The following THADA variants were observed in gnomAD, a reference collection of about 807,000 sequenced individuals.
THADA encodes the protein tRNA (32-2'-O)-methyltransferase regulator THADA.
Under a neutral mutation model 219.8 loss-of-function variants are expected in THADA, and 213 were observed. The observed-to-expected ratio is 0.97, with a 90% confidence interval of 0.87 to 1.09. The LOEUF (loss-of-function observed/expected upper bound fraction) is 1.09, where lower values mean the gene tolerates loss of function less well. Ranked by LOEUF, THADA falls within the 50% of genes least tolerant of loss-of-function variation. The pLI, the probability that THADA is intolerant of heterozygous loss-of-function variation, is 0.00. For synonymous variants in THADA, 1,018 were observed against 828.9 expected, an observed-to-expected ratio of 1.23 and a Z score of -3.92; for missense variants, 2,956 against 2,311.3, an observed-to-expected ratio of 1.28 and a Z score of -5.72.
At chr2:43,435,310 T>C (rs1679931225) in intron 26 of THADA, among the ~76,000 whole-genome samples, 1 of 151,812 alleles carries the variant, frequency 6.6e-6, no homozygotes, top group African/African-American at 2.4e-5. Context: ...GAATACAAAA[T>C]TAGCCAGGCA....
chr2:43,354,538 C>T (rs562797604), intron 29 of THADA, among the ~76,000 whole-genome samples: 29 of 151,866 alleles, frequency 1.9e-4, no homozygotes, highest in African/African-American at 7.0e-4. Flanking sequence ...TGATAACTAT[C>T]ATTTTACTCT....
chr2:43,315,017 A>T (rs1677920906), intron 31 of THADA, among the ~76,000 whole-genome samples: 1 of 152,172 alleles, frequency 6.6e-6, no homozygotes, highest in Non-Finnish European at 1.5e-5. Flanking sequence ...CTCCTTGTTT[A>T]TGCCCCTAGC....
chr2:43,342,597 C>G (rs1387901342), intron 30 of THADA, among the ~76,000 whole-genome samples: 1 of 152,232 alleles, frequency 6.6e-6, no homozygotes, highest in Non-Finnish European at 1.5e-5. Context: ...GGCCACTTGG[C>G]AAAATTCTGG....
intron 31 of THADA, among the ~76,000 whole-genome samples, chr2:43,308,160 AC>A (rs1251473941): frequency 6.6e-6 from 1 of 152,146 alleles, no homozygotes; most frequent in African/African-American, 2.4e-5. Flanking sequence ...GTTCAAGGCC[AC>A]CTGGGCAACA....
chr2:43,530,154 A>T (rs77881454), intron 21 of THADA, among the ~76,000 whole-genome samples: 15,975 of 152,026 alleles, frequency 0.11, 884 homozygotes, highest in South Asian at 0.14. Context: ...TAATTTTTTT[A>T]AAAAAAATTC....
At chr2:43,314,773 C>T (rs1677889307) in intron 31 of THADA, among the ~76,000 whole-genome samples, 1 of 152,138 alleles carries the variant, frequency 6.6e-6, no homozygotes, top group South Asian at 2.1e-4. Flanking sequence ...CTGATATATA[C>T]TAACGATGAC....
intron 28 of THADA, among the ~76,000 whole-genome samples, chr2:43,404,771 C>T (rs781067549): frequency 1.3e-5 from 2 of 152,046 alleles, no homozygotes; most frequent in Non-Finnish European, 2.9e-5. Flanking sequence ...CCTAAGTTTA[C>T]ATCTGAGTTC....
chr2:43,367,914 C>T (rs1296541773), intron 29 of THADA, among the ~76,000 whole-genome samples: 3 of 152,068 alleles, frequency 2.0e-5, no homozygotes, highest in Non-Finnish European at 2.9e-5. Flanking sequence ...GTCAAGAGAT[C>T]GAGACCATCC....
At chr2:43,264,528 G>A (rs941255939) in intron 36 of THADA, among the ~76,000 whole-genome samples, 4 of 151,900 alleles carry the variant, frequency 2.6e-5, no homozygotes, top group African/African-American at 7.3e-5. Flanking sequence ...CAGGTGATCC[G>A]CCCACCTCTG....
chr2:43,434,861 C>T (rs868396013), intron 26 of THADA, among the ~76,000 whole-genome samples: 1 of 152,208 alleles, frequency 6.6e-6, no homozygotes, highest in South Asian at 2.1e-4. Flanking sequence ...AGCTGACTAA[C>T]ACAAGCTGCC....
intron 30 of THADA, among the ~76,000 whole-genome samples, chr2:43,332,389 T>C (rs1019466411): frequency 1.3e-5 from 2 of 152,202 alleles, no homozygotes; most frequent in African/African-American, 4.8e-5. Flanking sequence ...TTTGACTAAT[T>C]CTAGCATTGA....
At chr2:43,334,466 C>A (rs890736754) in intron 30 of THADA, among the ~76,000 whole-genome samples, 1 of 152,218 alleles carries the variant, frequency 6.6e-6, no homozygotes, top group Non-Finnish European at 1.5e-5. Flanking sequence ...CTCATCAGCA[C>A]TGTTTTATGC....
intron 30 of THADA, among the ~76,000 whole-genome samples, chr2:43,322,180 G>C (rs768389288): frequency 4.0e-5 from 6 of 151,838 alleles, no homozygotes; most frequent in Non-Finnish European, 7.4e-5. Flanking sequence ...ATTACAGGGG[G>C]TAAGACTGAA....
intron 21 of THADA, among the ~76,000 whole-genome samples, chr2:43,530,992 T>C (rs1423353387): frequency 6.6e-6 from 1 of 152,238 alleles, no homozygotes; most frequent in South Asian, 2.1e-4. Flanking sequence ...TTATCTTTTT[T>C]CCTTTTGAAG....
chr2:43,262,434 G>A (rs2104213741), intron 36 of THADA, among the ~76,000 whole-genome samples: 1 of 141,834 alleles, frequency 7.1e-6, no homozygotes, highest in Middle Eastern at 3.4e-3. Context: ...AAAGACAGAA[G>A]AAGCATGGGG....
intron 22 of THADA, among the ~76,000 whole-genome samples, chr2:43,514,689 TA>T (rs1558888122): frequency 1.2e-4 from 10 of 80,106 alleles, no homozygotes; most frequent in East Asian, 3.0e-4. Context: ...TTATATTATA[TA>T]TAATATATAT....
In THADA at chr2:43,428,121, G is replaced by C; in HGVS notation, c.4037C>G (p.Pro1346Arg). 1 of 1,609,934 alleles carries C rather than the reference G, an allele frequency of 6.2e-7. No individual in the cohort carries two copies. Among genetic ancestry groups the C allele is most frequent in the African/African-American group, 1.3e-5 (1 of 74,870 alleles). Residue 1346 changes from proline to arginine, a missense_variant, in exon 28 of 38, where the codon CCT (proline) becomes CGT (arginine). Transcript: ENST00000405975. ...CTACCTCATAATGAAGGGAACAAAA[G>C]GTCCCATGCTGAGAGCAGAAGAAGT... is the stretch of plus-strand genomic sequence containing the variant. ...DGTSSALSMG[P>R]FVPFIMRCGH...
At chr2:43,561,016 C>CAAAAAAAAAAAAAA (rs3042329) in intron 15 of THADA, among the ~76,000 whole-genome samples, 1 of 92,330 alleles carries the variant, frequency 1.1e-5, no homozygotes, top group Non-Finnish European at 2.3e-5. Flanking sequence ...GACTTGGTCT[C>CAAAAAAAAAAAAAA]AAAAAAAAAA....
At chr2:43,382,918 A>C (rs1338253627) in intron 29 of THADA, among the ~76,000 whole-genome samples, 2 of 152,220 alleles carry the variant, frequency 1.3e-5, no homozygotes, top group Non-Finnish European at 2.9e-5. Context: ...ATTCTCAAAG[A>C]AGGAATATAA....
Sources: gnomAD v4.1 joint callset for allele counts (sites outside exome capture counted in the v4.1 genomes callset) on GRCh38, gnomAD v4.1.1 for gene constraint, MANE v1.5 for transcripts, NCBI Gene and HGNC (gene_info 2026-07-23, HGNC 2026-07-21) for gene names.